SEC22C: variants seen among roughly 807,000 people sequenced by gnomAD.
SEC22C encodes the protein SEC22 homolog C, vesicle trafficking protein, also known as vesicle-trafficking protein SEC22c.
In SEC22C, 29 loss-of-function variants were observed where a neutral mutation model predicts 34.7. The observed-to-expected ratio is 0.84, with a 90% CI of 0.62 to 1.14. The LOEUF (loss-of-function observed/expected upper bound fraction) is 1.14. SEC22C is among the 50% of genes most tolerant of loss of function. SEC22C has a pLI of 0.00. For missense variants in SEC22C, 337 were observed against 369.0 expected (o/e 0.91, Z 0.71); for synonymous variants, 117 against 132.8 (o/e 0.88, Z 0.82).
intron 1 of SEC22C, among the ~76,000 whole-genome samples, chr3:42,570,645 C>T (rs543244307): frequency 3.3e-4 from 50 of 152,296 alleles, no homozygotes; most frequent in Admixed American, 2.0e-3. Flanking sequence ...GCAGCACCAA[C>T]GGCAGGACCA....
At chr3:42,560,317 A>C (rs1011459126) in intron 4 of SEC22C, among the ~76,000 whole-genome samples, 2 of 149,424 alleles carry the variant, frequency 1.3e-5, no homozygotes, top group South Asian at 2.1e-4. Context: ...TTAAATAAAT[A>C]AATAAATAAA....
Position 42,557,610 on chromosome 3 carries a change from G to T in SEC22C, c.613C>A (p.Arg205=). 1 of 1,597,894 alleles carries T rather than the reference G, an allele frequency of 6.3e-7. No individual in the cohort carries two copies. Residue 205 remains arginine, a synonymous_variant, in exon 5 of 7, where the codon CGA becomes AGA. Coordinates refer to ENST00000264454, the MANE Select transcript of SEC22C (RefSeq NM_032970.4). ...GAATGTTCTGCAAGGTGAACTCCTCGAATGAGATTCAGGGCAGCACACATG... is the reference window on the plus strand; with the variant it reads ...GAATGTTCTGCAAGGTGAACTCCTCTAATGAGATTCAGGGCAGCACACATG... ...NIMCAALNLI[R]GVHLAEHSLQ... is the part of the protein sequence containing the mutation.
rs1055257517 is a variant in SEC22C, at chr3:42,591,172, G to A, written c.-28+9788C>T. 10 of 612,358 alleles carry A rather than the reference G, an allele frequency of 1.6e-5. No individual in the cohort carries two copies. The African/African-American group carries it at 1.9e-4, about 11-fold the overall frequency. 37.9% of individuals were successfully genotyped at this position (612,358 alleles called of 1,614,324 possible). On this transcript the variant is annotated intron_variant, in intron 1 of 6. Coordinates refer to the SEC22C transcript ENST00000417572. ...ATGGGGTTCGGTCCCCCGCCGTCCA[G>A]ACGTCACACTGCACTAACCCTTTCT...
rs553605161 is a variant in SEC22C at position 42,563,775 on chromosome 3, C to T, written c.183-89G>A. On this transcript the variant is annotated intron_variant, in intron 2 of 6. Coordinates refer to ENST00000264454, the MANE Select transcript of SEC22C (RefSeq NM_032970.4). ...CAGACACAACCTTACCTGAATTCTG[C>T]ACTTGCTTGGCTTTAAACAGTCCTG... 5.0e-6 allele frequency: 8 copies of T among 1,585,526 alleles called. No homozygotes were observed. In the African/African-American group the frequency reaches 1.1e-4, roughly 21 times the overall value.
intron 2 of SEC22C, among the ~76,000 whole-genome samples, chr3:42,565,461 T>C (rs150092833): frequency 2.2e-3 from 331 of 152,164 alleles, no homozygotes; most frequent in Non-Finnish European, 3.8e-3. Context: ...CTGGTGTGGG[T>C]TGAGTTTGTC....
chr3:42,551,639 A>G lies in SEC22C; in HGVS notation c.*1609T>C. On this transcript the variant is annotated 3_prime_UTR_variant, in exon 7 of 7. Transcript: ENST00000264454. Reference sequence around the variant, plus strand: ...AGGCATGAGCCATCATGCCTGGCCCATATCCAAATATTTTATGTTTGGTCA... The same window carrying G: ...AGGCATGAGCCATCATGCCTGGCCCGTATCCAAATATTTTATGTTTGGTCA... The G allele has an allele frequency of 2.1e-6, 2 of 947,762 alleles. No individual in the cohort carries two copies. Among genetic ancestry groups the G allele is most frequent in the Middle Eastern group, 5.4e-4 (1 of 1,856 alleles). 58.7% of individuals were successfully genotyped at this position (947,762 alleles called of 1,614,324 possible). A position where few individuals can be genotyped will look rare whatever the true frequency, so the allele number is the denominator to read the frequency against.
chr3:42,558,125 G>A (rs1209942257), intron 4 of SEC22C, among the ~76,000 whole-genome samples: 1 of 152,176 alleles, frequency 6.6e-6, no homozygotes, highest in East Asian at 1.9e-4. Flanking sequence ...TACAATGAAT[G>A]CACAGGACAG....
At chr3:42,558,319 A>ATT (rs1221923274) in intron 4 of SEC22C, among the ~76,000 whole-genome samples, 1 of 146,800 alleles carries the variant, frequency 6.8e-6, no homozygotes. Flanking sequence ...TGTCTCTACA[A>ATT]AAAAAAAAAA....
chr3:42,572,738 T>C (rs957494653), intron 1 of SEC22C, among the ~76,000 whole-genome samples: 8 of 152,184 alleles, frequency 5.3e-5, no homozygotes, highest in Non-Finnish European at 1.0e-4. Flanking sequence ...AATGTAAGTT[T>C]CAATAGAAAA....
chr3:42,597,466 G>C (rs554211926), intron 1 of SEC22C, among the ~76,000 whole-genome samples: 2 of 151,986 alleles, frequency 1.3e-5, no homozygotes, highest in Non-Finnish European at 1.5e-5. Flanking sequence ...TGAGGCAGGG[G>C]AATCGCTTGA....
intron 1 of SEC22C, chr3:42,590,812 G>A: frequency 7.3e-7 from 1 of 1,373,888 alleles, no homozygotes; most frequent in Non-Finnish European, 1.0e-6. Flanking sequence ...CCTGTAGGCG[G>A]GAGCATCCAA....
intron 1 of SEC22C, among the ~76,000 whole-genome samples, chr3:42,570,956 T>C (rs1173814780): frequency 1.3e-5 from 2 of 151,924 alleles, no homozygotes; most frequent in African/African-American, 4.8e-5. Context: ...AGACAGTCAA[T>C]GAGATACCAA....
chr3:42,576,198 C>T (rs1577345803), intron 1 of SEC22C, among the ~76,000 whole-genome samples: 1 of 151,778 alleles, frequency 6.6e-6, no homozygotes, highest in African/African-American at 2.4e-5. Context: ...TGTCACACAG[C>T]TAAAACAGTA....
chr3:42,549,259 T>C lies in SEC22C; in HGVS notation c.*3989A>G. Reference sequence around the variant, plus strand: ...GCCAGGCACATCTGATCACCATAAATGCTCCCACCCCTGCCTGTCCTCACT... The same window carrying C: ...GCCAGGCACATCTGATCACCATAAACGCTCCCACCCCTGCCTGTCCTCACT... On this transcript the variant is annotated 3_prime_UTR_variant, in exon 7 of 7. Coordinates refer to ENST00000264454, the MANE Select transcript of SEC22C (RefSeq NM_032970.4). The C allele has an allele frequency of 1.0e-6, 1 of 986,246 alleles. No homozygotes were observed. The allele number at this position is 986,246 out of a possible 1,614,324, so 61.1% of individuals were successfully genotyped here. A position where few individuals can be genotyped will look rare whatever the true frequency, so the allele number is the denominator to read the frequency against.
chr3:42,578,131 T>C (rs1196636129), intron 1 of SEC22C, among the ~76,000 whole-genome samples: 1 of 152,216 alleles, frequency 6.6e-6, no homozygotes, highest in Non-Finnish European at 1.5e-5. Context: ...GCAGCTTTAT[T>C]TATAACAACC....
At chr3:42,580,790 G>T (rs1026604064) in intron 1 of SEC22C, among the ~76,000 whole-genome samples, 2 of 152,156 alleles carry the variant, frequency 1.3e-5, no homozygotes, top group Non-Finnish European at 2.9e-5. Flanking sequence ...GGGAATTACA[G>T]CTACTCCCTT....
chr3:42,595,648 T>TA (rs1210412874), intron 1 of SEC22C, among the ~76,000 whole-genome samples: 1 of 152,238 alleles, frequency 6.6e-6, no homozygotes, highest in East Asian at 1.9e-4. Context: ...CTGTATTCTA[T>TA]AAAAAACTTT....
chr3:42,558,637 C>T (rs764057704), intron 4 of SEC22C, among the ~76,000 whole-genome samples: 1 of 151,106 alleles, frequency 6.6e-6, no homozygotes, highest in Non-Finnish European at 1.5e-5. Context: ...AAAAAAAATA[C>T]AAAAATTAGC....
At position 42,549,503 on chromosome 3, in the gene SEC22C, GC is replaced by G; in HGVS notation, c.*3744del. 3 of 985,738 alleles carry G rather than the reference GC, an allele frequency of 3.0e-6. No individual in the cohort carries two copies. The highest frequency in any genetic ancestry group is 3.6e-6 in the Non-Finnish European group (3 of 830,174). 61.1% of individuals were successfully genotyped at this position (985,738 alleles called of 1,614,324 possible). On this transcript the variant is annotated 3_prime_UTR_variant, in exon 7 of 7. Transcript: ENST00000264454. Reference sequence around the variant, plus strand: ...TGCCCTGCTTCCTGTGCCTCACACAGCCAGCCTTGCTGGCCTGCTGGCTATT... The same window carrying G: ...TGCCCTGCTTCCTGTGCCTCACACAGCAGCCTTGCTGGCCTGCTGGCTATT...
Sources: allele counts gnomAD v4.1 joint callset (sites outside exome capture counted in the v4.1 genomes callset), GRCh38; gene constraint gnomAD v4.1.1; transcripts MANE v1.5; gene names NCBI Gene and HGNC (gene_info 2026-07-23, HGNC 2026-07-21).